Variants in NBPF11 observed in about 807,000 individuals in gnomAD.
NBPF11 encodes NBPF member 11.
NBPF11 carries 72 observed loss-of-function variants against 93.9 expected under a neutral mutation model. That is an observed-to-expected ratio of 0.77 (90% CI 0.63 to 0.93). The LOEUF (loss-of-function observed/expected upper bound fraction) is 0.93, where lower values mean the gene tolerates loss of function less well. Ranked by LOEUF, NBPF11 falls within the 40% of genes least tolerant of loss-of-function variation. The pLI, the probability that NBPF11 is intolerant of heterozygous loss-of-function variation, is 0.00. For missense variants in NBPF11, 705 were observed against 802.2 expected (o/e 0.88, Z 1.46); for synonymous variants, 224 against 304.9 (o/e 0.73, Z 2.76).
chr1:148,146,470 C>G, intron 1 of NBPF11: 2 of 1,604,574 alleles, frequency 1.2e-6, no homozygotes, highest in Non-Finnish European at 1.7e-6. Context: ...CGCTGCCAAG[C>G]TCGCCTTCCT....
chr1:148,124,387 T>G (rs1180827269), intron 6 of NBPF11, among the ~76,000 whole-genome samples: 2 of 150,350 alleles, frequency 1.3e-5, no homozygotes, highest in Non-Finnish European at 2.9e-5. Flanking sequence ...GACATTTCCA[T>G]GTGAAAATAC....
chr1:148,128,093 G>C (rs1230690884), intron 4 of NBPF11, among the ~76,000 whole-genome samples: 1 of 144,714 alleles, frequency 6.9e-6, no homozygotes, highest in Non-Finnish European at 1.5e-5. Flanking sequence ...TTTTCTGATG[G>C]GAGACAGGTT....
In NBPF11 at chr1:148,151,778, A is replaced by C. The variant is rs1201237175; in HGVS notation, c.-577T>G. The stretch of plus-strand genomic sequence containing the variant: ...CGGAACGCTGGGTGGACTTCGCAGT[A>C]AACTTGAACTTCCCATCCAGGCTGC... On this transcript the variant is annotated 5_prime_UTR_variant, in exon 1 of 24. It introduces an in-frame stop codon into an upstream open reading frame of the 5' UTR. Coordinates refer to ENST00000682118, the MANE Select transcript of NBPF11 (RefSeq NM_001385469.3). 6.6e-6 allele frequency: 1 copy of C among 152,198 alleles called. No homozygotes were observed. The highest frequency in any genetic ancestry group is 1.9e-4 in the East Asian group (1 of 5,190). The allele number at this position is 152,198 out of a possible 1,614,324, so 9.4% of individuals were successfully genotyped here. A position where few individuals can be genotyped will look rare whatever the true frequency, so the allele number is the denominator to read the frequency against.
chr1:148,104,064 T>C (rs1662935034), intron 23 of NBPF11, 152 bp from the exon 24 acceptor site: 4 of 1,459,460 alleles, frequency 2.7e-6, no homozygotes, highest in Non-Finnish European at 3.8e-6. Context: ...TATGTTGGGA[T>C]AGAACAGGGC....
At chr1:148,119,802 C>A (rs1357339335) in intron 10 of NBPF11, among the ~76,000 whole-genome samples, 1 of 151,898 alleles carries the variant, frequency 6.6e-6, no homozygotes, top group Non-Finnish European at 1.5e-5. Context: ...ATTACAGTCA[C>A]CTGCCACCAC....
At chr1:148,126,539 C>G (rs1669157311) in intron 5 of NBPF11, among the ~76,000 whole-genome samples, 1 of 152,076 alleles carries the variant, frequency 6.6e-6, no homozygotes, top group Non-Finnish European at 1.5e-5. Context: ...TTATATGGTA[C>G]AGAGAGGATT....
At chr1:148,113,396 G>A (rs1218177651) in intron 15 of NBPF11, among the ~76,000 whole-genome samples, 14 of 150,460 alleles carry the variant, frequency 9.3e-5, no homozygotes, top group African/African-American at 3.0e-4. Context: ...ATGGTAAAGG[G>A]ATCAATTCAA....
intron 9 of NBPF11, among the ~76,000 whole-genome samples, chr1:148,121,050 T>C (rs1667704815): frequency 6.6e-6 from 1 of 151,896 alleles, no homozygotes; most frequent in Non-Finnish European, 1.5e-5. Flanking sequence ...TTTTGGTTTT[T>C]TGTTTTCTGT....
intron 9 of NBPF11, among the ~76,000 whole-genome samples, chr1:148,121,466 G>A (rs1392717801): frequency 3.3e-5 from 5 of 149,954 alleles, no homozygotes; most frequent in Non-Finnish European, 7.4e-5. Context: ...TCCTGCCTCA[G>A]CCTCCTGAGT....
At chr1:148,118,009 T>C (rs1413733856) in intron 11 of NBPF11, among the ~76,000 whole-genome samples, 1 of 151,856 alleles carries the variant, frequency 6.6e-6, no homozygotes, top group African/African-American at 2.4e-5. Context: ...TGATGTTCCA[T>C]TCATCTTTCC....
In NBPF11 at chr1:148,116,239, A is replaced by C. The variant is rs1398853401; in HGVS notation, c.1379+224T>G. Among the ~76,000 whole-genome samples, 86 of 152,168 alleles carry C rather than the reference A, an allele frequency of 5.7e-4. 2 individuals are homozygous for C. The highest frequency in any genetic ancestry group is 2.0e-3 in the African/African-American group (83 of 41,418). On this transcript the variant is annotated intron_variant, in intron 13 of 23. Coordinates refer to ENST00000682118, the MANE Select transcript of NBPF11 (RefSeq NM_001385469.3). ...TGCACTGGACAGATAGGAGCTGAGG[A>C]GGATGAAGACTCAGCTATCCCTGTA...
chr1:148,105,372 G>A lies in NBPF11; in HGVS notation c.2460C>T (p.Leu820=), dbSNP rs1553267036. 2 of 874,502 alleles carry A rather than the reference G, an allele frequency of 2.3e-6. No homozygotes were observed. The highest frequency in any genetic ancestry group is 1.3e-5 in the South Asian group (1 of 76,040). 54.2% of individuals were successfully genotyped at this position (874,502 alleles called of 1,614,324 possible). ...MHWRKNMLAF[L]LTWEKLKRRG... Reference sequence around the variant, plus strand: ...GAAAGGTACTCACCTCCCACGTCAAGAGAAAAGCCAACATGTTTTTCCTCC... The same window carrying A: ...GAAAGGTACTCACCTCCCACGTCAAAAGAAAAGCCAACATGTTTTTCCTCC... The change falls in exon 22 of 24, where the codon CTC becomes CTT. Residue 820 remains leucine, a synonymous_variant. Transcript: ENST00000682118.
At chr1:148,134,736 G>A (rs1670986809) in intron 4 of NBPF11, among the ~76,000 whole-genome samples, 3 of 151,878 alleles carry the variant, frequency 2.0e-5, no homozygotes, top group Admixed American at 1.3e-4. Flanking sequence ...TGGCATTGGG[G>A]CTGGTACAGC....
chr1:148,127,300 A>G (rs1669328650), intron 4 of NBPF11: 2 of 143,970 alleles, frequency 1.4e-5, no homozygotes, highest in South Asian at 9.4e-5. Flanking sequence ...TGCAGTTGCA[A>G]TAACAGAATT....
intron 5 of NBPF11, among the ~76,000 whole-genome samples, chr1:148,126,341 G>T (rs1385065257): frequency 6.6e-6 from 1 of 151,576 alleles, no homozygotes; most frequent in Non-Finnish European, 1.5e-5. Context: ...GATAGCACAG[G>T]TTCTATTAGG....
At chr1:148,146,584 G>T in intron 1 of NBPF11, 4 of 1,608,280 alleles carry the variant, frequency 2.5e-6, no homozygotes, top group South Asian at 2.2e-5. Flanking sequence ...GGGCGCACCC[G>T]GGCGCTGGAA....
chr1:148,147,410 C>A (rs1225215424), intron 1 of NBPF11, among the ~76,000 whole-genome samples: 1 of 152,140 alleles, frequency 6.6e-6, no homozygotes, highest in Non-Finnish European at 1.5e-5. Flanking sequence ...GGTGCAGACC[C>A]GCAGCACACA....
intron 20 of NBPF11, among the ~76,000 whole-genome samples, chr1:148,106,543 A>G (rs1176468471): frequency 7.2e-6 from 1 of 138,046 alleles, no homozygotes; most frequent in Non-Finnish European, 1.5e-5. Context: ...TCTAGGAGGA[A>G]AACTAAAGTA....
At chr1:148,134,783 G>T (rs1467502948) in intron 4 of NBPF11, among the ~76,000 whole-genome samples, 1 of 151,940 alleles carries the variant, frequency 6.6e-6, no homozygotes, top group Non-Finnish European at 1.5e-5. Context: ...CACAGAGACT[G>T]CCAGGCTGAG....
Sources: gnomAD v4.1 joint callset for allele counts (sites outside exome capture counted in the v4.1 genomes callset) on GRCh38, gnomAD v4.1.1 for gene constraint, MANE v1.5 for transcripts, NCBI Gene and HGNC (gene_info 2026-07-23, HGNC 2026-07-21) for gene names.